Variants in PRIM2 observed in about 807,000 individuals in gnomAD.
PRIM2 encodes DNA primase large subunit.
Under a neutral mutation model 67.3 loss-of-function variants are expected in PRIM2, and 39 were observed. The ratio of observed to expected loss-of-function variants is 0.58; its 90% CI spans 0.45 to 0.76. PRIM2 has a LOEUF of 0.76. Ranked by LOEUF, PRIM2 falls within the 30% of genes least tolerant of loss-of-function variation. The probability of loss-of-function intolerance (pLI) is 0.00; values close to 1 mark genes in which losing one functional copy is unlikely to be tolerated. For missense variants in PRIM2, 398 were observed against 598.7 expected, an observed-to-expected ratio of 0.66 and a Z score of 3.50; for synonymous variants, 143 against 198.7, an observed-to-expected ratio of 0.72 and a Z score of 2.36.
At chr6:57,347,380 T>A (rs1438239182) in intron 5 of PRIM2, among the ~76,000 whole-genome samples, 1 of 152,244 alleles carries the variant, frequency 6.6e-6, no homozygotes, top group African/African-American at 2.4e-5. Flanking sequence ...CACTAATAGC[T>A]AACATTTGTA....
chr6:57,513,621 C>T (rs1554347923), intron 8 of PRIM2, among the ~76,000 whole-genome samples: 5 of 152,232 alleles, frequency 3.3e-5, no homozygotes, highest in Admixed American at 6.5e-5. Context: ...TGGCTGGACG[C>T]GGTGGCTTAC....
intron 7 of PRIM2, among the ~76,000 whole-genome samples, chr6:57,422,172 T>TTTTTTTTTTTTTTTTTG (rs56993631): frequency 6.9e-6 from 1 of 145,954 alleles, no homozygotes. Flanking sequence ...TTTTTTTTTT[T>TTTTTTTTTTTTTTTTTG]GAGATGGAGT....
chr6:57,237,634 G>A, the PRIM2 span, among the ~76,000 whole-genome samples: 1 of 152,030 alleles, frequency 6.6e-6, no homozygotes, highest in East Asian at 1.9e-4. Flanking sequence ...TTCTACATAT[G>A]GCTAGCCAGT....
the PRIM2 span, among the ~76,000 whole-genome samples, chr6:57,279,762 G>A: frequency 6.6e-6 from 1 of 152,234 alleles, no homozygotes; most frequent in Non-Finnish European, 1.5e-5. Context: ...TCACAGACAA[G>A]TGGGTGAGAC....
intron 7 of PRIM2, among the ~76,000 whole-genome samples, chr6:57,386,474 C>G (rs1302979014): frequency 2.6e-5 from 4 of 151,152 alleles, no homozygotes; most frequent in African/African-American, 9.7e-5. Context: ...AGGATTTGTC[C>G]TGATTACAGG....
At position 57,418,550 on chromosome 6, in the gene PRIM2, C is replaced by G. The variant is rs572468019; in HGVS notation, c.693+36382C>G. On this transcript the variant is annotated intron_variant, in intron 7 of 13. Coordinates refer to ENST00000615550, the MANE Select transcript of PRIM2 (RefSeq NM_000947.5). The stretch of plus-strand genomic sequence containing the variant: ...TAGCTGGGACTACAGGCGCGTGCCA[C>G]CACGCCCAGCTAATTTTTTTTTGAT... Among the ~76,000 whole-genome samples the G allele has an allele frequency of 6.6e-5, 10 of 151,078 alleles. No individual in the cohort carries two copies. The East Asian group carries it at 1.6e-3, about 23-fold the overall frequency.
chr6:57,302,292 G>C, the PRIM2 span, among the ~76,000 whole-genome samples: 1 of 152,150 alleles, frequency 6.6e-6, no homozygotes, highest in Admixed American at 6.5e-5. Context: ...GAGATAGATA[G>C]AGTCATTCCA....
chr6:57,336,188 TC>T (rs1463633826), intron 5 of PRIM2, among the ~76,000 whole-genome samples: 2 of 152,126 alleles, frequency 1.3e-5, no homozygotes, highest in Non-Finnish European at 2.9e-5. Context: ...GAGCAAAGCC[TC>T]CAAGAAATAT....
chr6:57,573,069 C>T (rs1218852106), intron 10 of PRIM2, among the ~76,000 whole-genome samples: 9 of 152,236 alleles, frequency 5.9e-5, no homozygotes, highest in Admixed American at 2.0e-4. Context: ...AGCAATCCTT[C>T]TGCCTTGGCC....
At chr6:57,251,147 G>A in the PRIM2 span, among the ~76,000 whole-genome samples, 3 of 152,066 alleles carry the variant, frequency 2.0e-5, no homozygotes, top group South Asian at 6.2e-4. Context: ...CTAAATTTCT[G>A]TGTCAGATTT....
At chr6:57,504,959 A>G (rs1238992613) in intron 7 of PRIM2, among the ~76,000 whole-genome samples, 9 of 152,254 alleles carry the variant, frequency 5.9e-5, no homozygotes, top group Non-Finnish European at 1.2e-4. Context: ...GCTAAACTAA[A>G]CATCTGTTGT....
chr6:57,249,462 T>C, the PRIM2 span, among the ~76,000 whole-genome samples: 3 of 151,856 alleles, frequency 2.0e-5, no homozygotes, highest in South Asian at 4.2e-4. Context: ...CCAGGTTAGG[T>C]TGGGCGTGGT....
chr6:57,598,319 T>G (rs1776404617), intron 10 of PRIM2, among the ~76,000 whole-genome samples: 1 of 152,186 alleles, frequency 6.6e-6, no homozygotes, highest in Non-Finnish European at 1.5e-5. Flanking sequence ...GAGTAGAAGA[T>G]AAATTTTTGA....
chr6:57,591,845 T>A (rs1285586998), intron 10 of PRIM2, among the ~76,000 whole-genome samples: 61 of 151,426 alleles, frequency 4.0e-4, no homozygotes, highest in Non-Finnish European at 7.4e-4. Context: ...AAATAAATTG[T>A]TCTACCAAAA....
chr6:57,289,073 T>G, the PRIM2 span, among the ~76,000 whole-genome samples: 4,395 of 152,224 alleles, frequency 0.029, 89 homozygotes, highest in Non-Finnish European at 0.05. Flanking sequence ...GTTAGATGAG[T>G]GGCTAACTAG....
At chr6:57,589,700 G>T (rs1357024983) in intron 10 of PRIM2, among the ~76,000 whole-genome samples, 4 of 152,122 alleles carry the variant, frequency 2.6e-5, no homozygotes, top group Admixed American at 2.6e-4. Context: ...TATACCAGGA[G>T]CCCCCACCAT....
chr6:57,425,916 T>TA (rs1316893579), intron 7 of PRIM2, among the ~76,000 whole-genome samples: 2 of 152,200 alleles, frequency 1.3e-5, no homozygotes, highest in Non-Finnish European at 2.9e-5. Context: ...TAGGCCTGTT[T>TA]ATGCCCAGAA....
At chr6:57,567,758 C>T (rs2127480394) in intron 10 of PRIM2, among the ~76,000 whole-genome samples, 1 of 152,166 alleles carries the variant, frequency 6.6e-6, no homozygotes, top group East Asian at 1.9e-4. Context: ...TGTTTATAAT[C>T]ACATCTTAGT....
At chr6:57,603,059 C>T (rs1385985918) in intron 11 of PRIM2, among the ~76,000 whole-genome samples, 2 of 152,148 alleles carry the variant, frequency 1.3e-5, no homozygotes, top group East Asian at 1.9e-4. Context: ...GTGTATTTTG[C>T]ATAACAGTAC....
Sources: allele counts gnomAD v4.1 joint callset (sites outside exome capture counted in the v4.1 genomes callset), GRCh38; gene constraint gnomAD v4.1.1; transcripts MANE v1.5; gene names NCBI Gene and HGNC (gene_info 2026-07-23, HGNC 2026-07-21).